Variants in GLIS3 observed in about 807,000 individuals in gnomAD.
GLIS3 encodes zinc finger protein GLIS3.
In GLIS3, 53 loss-of-function variants were observed where a neutral mutation model predicts 78.6. The observed-to-expected ratio is 0.67, with a 90% CI of 0.54 to 0.85. The LOEUF is 0.85. GLIS3 is among the 40% of genes least tolerant of loss of function. The probability of loss-of-function intolerance (pLI) is 0.00; values close to 1 mark genes in which losing one functional copy is unlikely to be tolerated. For missense variants in GLIS3, 1,703 were observed against 1,231.1 expected, an observed-to-expected ratio of 1.38 and a Z score of -5.74; for synonymous variants, 684 against 509.9, an observed-to-expected ratio of 1.34 and a Z score of -4.60.
At chr9:4,253,869 T>C (rs372560753) in intron 2 of GLIS3, among the ~76,000 whole-genome samples, 2 of 152,204 alleles carry the variant, frequency 1.3e-5, no homozygotes, top group Non-Finnish European at 2.9e-5. Flanking sequence ...GGGAGTTCCC[T>C]GACCCCTTGC....
intron 2 of GLIS3, among the ~76,000 whole-genome samples, chr9:4,180,096 A>C (rs754082381): frequency 1.3e-5 from 2 of 152,038 alleles, no homozygotes; most frequent in Non-Finnish European, 2.9e-5. Context: ...ATGGTTACCT[A>C]TGTCAAGGCT....
intron 1 of GLIS3, among the ~76,000 whole-genome samples, chr9:4,296,237 T>C (rs1003020207): frequency 7.2e-6 from 1 of 138,816 alleles, no homozygotes; most frequent in Non-Finnish European, 1.5e-5. Flanking sequence ...GAGACAACAG[T>C]GGAAAGAATG....
intron 2 of GLIS3, among the ~76,000 whole-genome samples, chr9:4,216,278 C>T (rs561695917): frequency 1.6e-3 from 243 of 151,942 alleles, no homozygotes; most frequent in African/African-American, 5.6e-3. Flanking sequence ...CGAGACCATC[C>T]TGGCTAACAT....
the GLIS3 span, among the ~76,000 whole-genome samples, chr9:4,464,078 T>A: frequency 2.0e-5 from 3 of 151,970 alleles, no homozygotes; most frequent in Non-Finnish European, 2.9e-5. Context: ...TGGCAAATCA[T>A]TGAACAAAGT....
chr9:4,152,057 C>T, intron 2 of GLIS3: 2 of 776,668 alleles, frequency 2.6e-6, no homozygotes, highest in Non-Finnish European at 3.1e-6. Flanking sequence ...CTCCCAGTCT[C>T]ATATCTCACC....
chr9:3,893,217 T>C (rs1370227055), intron 7 of GLIS3, among the ~76,000 whole-genome samples: 2 of 152,220 alleles, frequency 1.3e-5, no homozygotes, highest in Non-Finnish European at 2.9e-5. Flanking sequence ...AGGTACGGAA[T>C]TGTTTTTGCT....
chr9:4,153,896 C>G (rs976451255), intron 2 of GLIS3, among the ~76,000 whole-genome samples: 1 of 152,186 alleles, frequency 6.6e-6, no homozygotes, highest in Non-Finnish European at 1.5e-5. Context: ...CTGGGCCCAT[C>G]AGGATGCTTC....
intron 2 of GLIS3, among the ~76,000 whole-genome samples, chr9:4,257,267 T>C (rs1825043622): frequency 2.0e-5 from 3 of 152,102 alleles, no homozygotes; most frequent in South Asian, 2.1e-4. Flanking sequence ...TGATCTCATA[T>C]GTGGAATCTA....
chr9:4,268,175 C>T (rs7019761), intron 2 of GLIS3, among the ~76,000 whole-genome samples: 1 of 151,972 alleles, frequency 6.6e-6, no homozygotes, highest in Non-Finnish European at 1.5e-5. Context: ...TATGACCTTG[C>T]GAAAATTACT....
the GLIS3 span, among the ~76,000 whole-genome samples, chr9:4,453,354 A>AAAG: frequency 7.2e-6 from 1 of 138,972 alleles, no homozygotes; most frequent in Non-Finnish European, 1.5e-5. Context: ...GCAAAAAAAA[A>AAAG]AAAAAAAAAA....
chr9:4,257,774 T>C (rs1036995198), intron 2 of GLIS3, among the ~76,000 whole-genome samples: 6 of 152,026 alleles, frequency 3.9e-5, no homozygotes, highest in East Asian at 1.9e-4. Flanking sequence ...GGGGTTTCAC[T>C]GTGTTAGCCG....
chr9:3,930,091 T>G (rs1825518075), intron 6 of GLIS3, among the ~76,000 whole-genome samples: 1 of 152,252 alleles, frequency 6.6e-6, no homozygotes, highest in Non-Finnish European at 1.5e-5. Flanking sequence ...TTCTGTTGGA[T>G]GGAGCAACTT....
At chr9:4,320,776 TCAC>T (rs1436682606) in intron 2 of GLIS3, among the ~76,000 whole-genome samples, 4 of 152,112 alleles carry the variant, frequency 2.6e-5, no homozygotes, top group Admixed American at 1.3e-4. Context: ...TTCAGCACCA[TCAC>T]CACACTATTC....
intron 4 of GLIS3, among the ~76,000 whole-genome samples, chr9:3,943,978 A>G (rs146404257): frequency 2.0e-5 from 3 of 152,378 alleles, no homozygotes; most frequent in Non-Finnish European, 2.9e-5. Context: ...GCTCATAAAT[A>G]CAACTTCCTG....
At chr9:4,440,140 TTG>T in the GLIS3 span, among the ~76,000 whole-genome samples, 1 of 152,236 alleles carries the variant, frequency 6.6e-6, no homozygotes, top group Non-Finnish European at 1.5e-5. Flanking sequence ...AGTCTATAAG[TTG>T]TCTCTTTACT....
chr9:3,888,971 G>A (rs1417570547), intron 7 of GLIS3, among the ~76,000 whole-genome samples: 1 of 152,048 alleles, frequency 6.6e-6, no homozygotes, highest in Non-Finnish European at 1.5e-5. Context: ...TGACTAGATG[G>A]GTCCCTAAAG....
intron 4 of GLIS3, among the ~76,000 whole-genome samples, chr9:4,025,059 G>T (rs1388422350): frequency 6.7e-6 from 1 of 149,590 alleles, no homozygotes; most frequent in Non-Finnish European, 1.5e-5. Flanking sequence ...AGACCAGCCT[G>T]GTCAAAATGG....
chr9:4,091,831 CAG>C (rs1462028922), intron 4 of GLIS3, among the ~76,000 whole-genome samples: 2 of 152,036 alleles, frequency 1.3e-5, no homozygotes, highest in African/African-American at 4.8e-5. Flanking sequence ...GCGTGAGAAA[CAG>C]AATAATACAG....
intron 2 of GLIS3, among the ~76,000 whole-genome samples, chr9:4,249,933 A>G (rs1041818031): frequency 5.9e-5 from 9 of 152,112 alleles, no homozygotes; most frequent in Non-Finnish European, 1.2e-4. Flanking sequence ...ATTGATTTGC[A>G]TATGTTGAAC....
Sources: allele counts gnomAD v4.1 joint callset (sites outside exome capture counted in the v4.1 genomes callset), GRCh38; gene constraint gnomAD v4.1.1; transcripts MANE v1.5; gene names NCBI Gene and HGNC (gene_info 2026-07-23, HGNC 2026-07-21).